CD99: variants seen among roughly 807,000 people sequenced by gnomAD.
The protein encoded by CD99 is CD99 antigen.
Under a neutral mutation model 28.4 loss-of-function variants are expected in CD99, and 19 were observed. The ratio of observed to expected loss-of-function variants is 0.67; its 90% CI spans 0.47 to 0.98. CD99 has a LOEUF of 0.98. Among genes scored for constraint, CD99 ranks in the 50% least tolerant of loss-of-function variants. CD99 has a pLI of 0.00. For synonymous variants in CD99, 103 were observed against 92.1 expected (o/e 1.12, Z -0.67); for missense variants, 283 against 248.8 (o/e 1.14, Z -0.92).
chrX:2,721,639 G>A (rs2048997348), intron 5 of CD99, among the ~76,000 whole-genome samples: 1 of 151,990 alleles, frequency 6.6e-6, no homozygotes, highest in African/African-American at 2.4e-5. Flanking sequence ...AAAGTTCCAA[G>A]TCTTTTGTTT....
At chrX:2,709,686 G>GCATATGCATGAACATAGACACA in intron 1 of CD99, among the ~76,000 whole-genome samples, 1 of 107,690 alleles carries the variant, frequency 9.3e-6, no homozygotes, top group South Asian at 3.2e-4. Flanking sequence ...ATCCACACGC[G>GCATATGCATGAACATAGACACA]CACATGCATG....
chrX:2,737,984 C>T, intron 8 of CD99: 1 of 713,528 alleles, frequency 1.4e-6, no homozygotes, highest in Admixed American at 2.0e-5. Context: ...AAGTTCATCT[C>T]TGCCTGTGCC....
intron 4 of CD99, among the ~76,000 whole-genome samples, chrX:2,720,027 A>T (rs2048919126): frequency 6.6e-6 from 1 of 152,146 alleles, no homozygotes; most frequent in South Asian, 2.1e-4. Flanking sequence ...TTGGCATGGG[A>T]ACCATACTGG....
intron 8 of CD99, among the ~76,000 whole-genome samples, chrX:2,735,985 G>A (rs189144556): frequency 1.1e-3 from 170 of 151,886 alleles, no homozygotes; most frequent in African/African-American, 3.6e-3. Flanking sequence ...GGCAGATCAC[G>A]AAGTCAGGAG....
intron 1 of CD99, among the ~76,000 whole-genome samples, chrX:2,705,906 G>T: frequency 6.6e-6 from 1 of 152,168 alleles, no homozygotes; most frequent in South Asian, 2.1e-4. Context: ...AGGACTTCCG[G>T]TGCTTGCTCC....
chrX:2,695,960 T>C (rs1268744352), intron 1 of CD99, among the ~76,000 whole-genome samples: 2 of 152,174 alleles, frequency 1.3e-5, no homozygotes, highest in South Asian at 2.1e-4. Flanking sequence ...TCCTACATTC[T>C]TATTTGGAAG....
intron 2 of CD99, among the ~76,000 whole-genome samples, chrX:2,716,496 C>G (rs1341586453): frequency 1.3e-5 from 2 of 152,068 alleles, no homozygotes; most frequent in East Asian, 1.9e-4. Flanking sequence ...GCCACCTCAC[C>G]TGGTACAGTG....
chrX:2,718,681 C>G (rs748782698), intron 3 of CD99, among the ~76,000 whole-genome samples: 1 of 152,246 alleles, frequency 6.6e-6, no homozygotes, highest in East Asian at 1.9e-4. Flanking sequence ...CAATGCTGTT[C>G]TTTCAAACAA....
chrX:2,712,876 C>G (rs756694544), intron 1 of CD99, among the ~76,000 whole-genome samples: 1 of 152,124 alleles, frequency 6.6e-6, no homozygotes, highest in African/African-American at 2.4e-5. Flanking sequence ...CATACACACA[C>G]GTGCACACAA....
chrX:2,719,797 T>C (rs1230306019), intron 4 of CD99, 92 bp downstream of exon 4: 2 of 1,349,884 alleles, frequency 1.5e-6, no homozygotes, highest in African/African-American at 2.9e-5. Context: ...ATTTAAATTA[T>C]AAAGGGAACC....
At chrX:2,724,956 G>A (rs1446853699) in intron 7 of CD99, among the ~76,000 whole-genome samples, 1 of 151,314 alleles carries the variant, frequency 6.6e-6, no homozygotes, top group Non-Finnish European at 1.5e-5. Context: ...CAGCTACTTG[G>A]GAGGCTGAGG....
rs4717 is a variant in CD99, at chrX:2,738,242, A to T, written c.518A>T (p.Asn173Ile). The change falls in exon 9 of 10, where the codon AAC (asparagine) becomes ATC (isoleucine). Residue 173 changes from asparagine to isoleucine, a missense_variant. Physicochemically the swap from Asn to Ile is moderately radical, Grantham distance 149. Transcript: ENST00000381192. ...EVDMESHRNA[N>I]AEPAVQRTLL... ...GACATGGAGAGCCACCGGAATGCCA[A>T]CGCAGAGCCAGCTGGTAAGAAGGAC... 0.059 allele frequency: 95,386 copies of T among 1,612,928 alleles called. 3,061 individuals carry two copies. Among genetic ancestry groups the T allele is most frequent in the East Asian group, 0.083 (3,727 of 44,862 alleles).
chrX:2,730,547 A>C (rs311086), intron 8 of CD99, among the ~76,000 whole-genome samples: 8,988 of 152,006 alleles, frequency 0.059, 876 homozygotes, highest in African/African-American at 0.2. Flanking sequence ...ACTTTATACT[A>C]ATGAGATGCT....
chrX:2,716,502 C>T (rs1382066385), intron 2 of CD99, among the ~76,000 whole-genome samples: 1 of 151,910 alleles, frequency 6.6e-6, no homozygotes, highest in Non-Finnish European at 1.5e-5. Flanking sequence ...TCACCTGGTA[C>T]AGTGAGCAAC....
chrX:2,712,912 C>A (rs1183622625), intron 1 of CD99, among the ~76,000 whole-genome samples: 2 of 152,044 alleles, frequency 1.3e-5, no homozygotes. Flanking sequence ...CAAACACATG[C>A]ATACATGCAC....
intron 1 of CD99, chrX:2,691,729 C>T (rs1371989727): frequency 1.4e-6 from 1 of 717,654 alleles, no homozygotes; most frequent in East Asian, 2.6e-5. Context: ...AGGGGACCTT[C>T]TTACAGATCT....
At chrX:2,727,538 G>T (rs1490752690) in intron 8 of CD99, among the ~76,000 whole-genome samples, 1 of 152,018 alleles carries the variant, frequency 6.6e-6, no homozygotes, top group Admixed American at 6.6e-5. Flanking sequence ...GTGCAGTGGC[G>T]CAATCTCAGC....
chrX:2,713,471 C>T (rs1163811826), intron 1 of CD99, among the ~76,000 whole-genome samples: 1 of 152,060 alleles, frequency 6.6e-6, no homozygotes, highest in Non-Finnish European at 1.5e-5. Context: ...ACCTACACAC[C>T]CCATACATGC....
intron 1 of CD99, among the ~76,000 whole-genome samples, chrX:2,704,274 T>C (rs2048018752): frequency 6.6e-6 from 1 of 152,142 alleles, no homozygotes; most frequent in African/African-American, 2.4e-5. Context: ...TTACCAAACA[T>C]ATTGTAAAAT....
Sources: allele counts gnomAD v4.1 joint callset (sites outside exome capture counted in the v4.1 genomes callset), GRCh38; gene constraint gnomAD v4.1.1; transcripts MANE v1.5; gene names NCBI Gene and HGNC (gene_info 2026-07-23, HGNC 2026-07-21).